Variants in PTPN11 observed in about 807,000 individuals in gnomAD.
PTPN11 encodes tyrosine-protein phosphatase non-receptor type 11.
In PTPN11, 6 loss-of-function variants were observed where a neutral mutation model predicts 78.8. That is an observed-to-expected ratio of 0.08 (90% CI 0.04 to 0.15). The LOEUF is 0.15. PTPN11 is among the 10% of genes least tolerant of loss of function. The pLI, the probability that PTPN11 is intolerant of heterozygous loss-of-function variation, is 1.00. For missense variants in PTPN11, 386 were observed against 744.8 expected, an observed-to-expected ratio of 0.52 and a Z score of 5.61; for synonymous variants, 221 against 263.5, an observed-to-expected ratio of 0.84 and a Z score of 1.56.
At chr12:112,453,684 A>G (rs1012621127) in intron 4 of PTPN11, among the ~76,000 whole-genome samples, 2 of 127,488 alleles carry the variant, frequency 1.6e-5, no homozygotes, top group African/African-American at 5.9e-5. Flanking sequence ...TTTAATATTC[A>G]TTTGTTTATT....
At chr12:112,424,720 C>CT (rs35322236) in intron 1 of PTPN11, among the ~76,000 whole-genome samples, 17 of 149,602 alleles carry the variant, frequency 1.1e-4, no homozygotes, top group East Asian at 5.9e-4. Context: ...GCTTTAACAA[C>CT]TTTTTTTTTT....
intron 1 of PTPN11, among the ~76,000 whole-genome samples, chr12:112,422,871 A>G (rs932680279): frequency 2.0e-5 from 3 of 152,184 alleles, no homozygotes; most frequent in Admixed American, 1.3e-4. Context: ...TCATGTTTGT[A>G]ATTGTCCTAG....
chr12:112,498,384 G>A (rs1261710972), intron 13 of PTPN11, among the ~76,000 whole-genome samples: 2 of 152,184 alleles, frequency 1.3e-5, no homozygotes, highest in Admixed American at 6.5e-5. Flanking sequence ...GGTGTTTGTA[G>A]TCTTCAAATG....
In PTPN11 at chr12:112,504,562, C is replaced by T. The variant is rs2038912508; in HGVS notation, c.1713-133C>T. 1 of 704,206 alleles carries T rather than the reference C, an allele frequency of 1.4e-6. No homozygotes were observed. The allele number at this position is 704,206 out of a possible 1,614,324, so 43.6% of individuals were successfully genotyped here. A position where few individuals can be genotyped will look rare whatever the true frequency, so the allele number is the denominator to read the frequency against. On this transcript the variant is annotated intron_variant, in intron 14 of 15. Transcript: ENST00000351677. This position sits in a 1 kb window ranked among gnomAD's most constrained non-coding sequence, Gnocchi z 4.7. ...TCTTCTCTCCCTGGGAATGTCAGGT[C>T]CTAGGCACAGGAACTGTGTCTGTAC...
At chr12:112,450,754 C>T (rs1179729797) in intron 3 of PTPN11, among the ~76,000 whole-genome samples, 1 of 152,182 alleles carries the variant, frequency 6.6e-6, no homozygotes, top group Non-Finnish European at 1.5e-5. Context: ...GCATACCATT[C>T]CTGCATATAC....
At chr12:112,475,430 G>T (rs1246533998) in intron 7 of PTPN11, among the ~76,000 whole-genome samples, 2 of 151,416 alleles carry the variant, frequency 1.3e-5, no homozygotes, top group African/African-American at 4.9e-5. Context: ...TTGATTGATT[G>T]TATATAGAGA....
At chr12:112,446,510 G>A in intron 2 of PTPN11, 112 bp downstream of exon 2, 1 of 1,473,782 alleles carries the variant, frequency 6.8e-7, no homozygotes, top group Non-Finnish European at 9.4e-7. Flanking sequence ...CCTTATCTGA[G>A]CCCTGGGCTG....
At chr12:112,444,996 C>T (rs2037967690) in intron 1 of PTPN11, among the ~76,000 whole-genome samples, 1 of 152,054 alleles carries the variant, frequency 6.6e-6, no homozygotes, top group African/African-American at 2.4e-5. Flanking sequence ...GTGATTGCTA[C>T]TGGAGTGTCA....
In PTPN11 at chr12:112,450,241, G is replaced by A. The variant is rs182335523; in HGVS notation, c.138-77G>A. On this transcript the variant is annotated intron_variant, in intron 2 of 15. Transcript: ENST00000351677. ...TTTCAACACTTAGGTAAAATCCGAC[G>A]TGGAAGATGAGATCTGATTTTACTG... 2.1e-4 allele frequency: 288 copies of A among 1,350,848 alleles called. 3 individuals are homozygous for A. The African/African-American group carries it at 3.0e-3, about 14-fold the overall frequency. The allele number at this position is 1,350,848 out of a possible 1,614,324, so 83.7% of individuals were successfully genotyped here. A position where few individuals can be genotyped will look rare whatever the true frequency, so the allele number is the denominator to read the frequency against.
chr12:112,454,740 G>A (rs2038128594), intron 5 of PTPN11, 60 bp downstream of exon 5: 10 of 1,279,374 alleles, frequency 7.8e-6, no homozygotes, highest in African/African-American at 1.5e-5. Flanking sequence ...TCCTAATAGA[G>A]AATTTTGCAA....
intron 13 of PTPN11, among the ~76,000 whole-genome samples, chr12:112,497,783 A>G (rs1192726360): frequency 2.0e-5 from 3 of 152,212 alleles, no homozygotes; most frequent in Non-Finnish European, 2.9e-5. Flanking sequence ...TGTAGGCCAT[A>G]TTACAGATTG....
intron 13 of PTPN11, among the ~76,000 whole-genome samples, chr12:112,501,547 C>T (rs1328311181): frequency 6.6e-6 from 1 of 152,176 alleles, no homozygotes; most frequent in Admixed American, 6.5e-5. Context: ...ATCGCTTGAA[C>T]CCCAGAGGCG....
At chr12:112,492,808 C>G (rs573119426) in intron 13 of PTPN11, among the ~76,000 whole-genome samples, 2 of 152,106 alleles carry the variant, frequency 1.3e-5, no homozygotes, top group African/African-American at 2.4e-5. Context: ...TGAGTCACTG[C>G]GCCCGGCTCT....
At chr12:112,439,336 G>A (rs977626084) in intron 1 of PTPN11, among the ~76,000 whole-genome samples, 2 of 151,792 alleles carry the variant, frequency 1.3e-5, no homozygotes, top group African/African-American at 2.4e-5. Context: ...CTCTTTTGCC[G>A]AGGCTGGAGT....
At position 112,504,809 on chromosome 12, in the gene PTPN11, A is replaced by G; in HGVS notation, c.*32+13A>G. On this transcript the variant is annotated intron_variant, in intron 15 of 15. Coordinates refer to ENST00000351677, the MANE Select transcript of PTPN11 (RefSeq NM_002834.5). The surrounding 1 kb of genome is among the most constrained non-coding windows in gnomAD (Gnocchi z 4.7). ...AGCACAGAAATAGGTATTTAAATGC[A>G]AGTGCTCTATTGGTTAATTGTTTAT... The G allele has an allele frequency of 7.0e-7, 1 of 1,431,538 alleles. No individual in the cohort carries two copies. The highest frequency in any genetic ancestry group is 9.8e-7 in the Non-Finnish European group (1 of 1,015,978). 88.7% of individuals were successfully genotyped at this position (1,431,538 alleles called of 1,614,324 possible).
intron 3 of PTPN11, among the ~76,000 whole-genome samples, chr12:112,452,950 A>G (rs1464582904): frequency 6.6e-6 from 1 of 152,126 alleles, no homozygotes; most frequent in South Asian, 2.1e-4. Context: ...AGATTGGGGC[A>G]TTTGTCTCTA....
At chr12:112,433,787 C>T (rs1391865703) in intron 1 of PTPN11, among the ~76,000 whole-genome samples, 1 of 152,084 alleles carries the variant, frequency 6.6e-6, no homozygotes, top group Non-Finnish European at 1.5e-5. Context: ...CCTATCTCTA[C>T]AAAGGAAAAA....
intron 6 of PTPN11, among the ~76,000 whole-genome samples, chr12:112,457,122 T>A (rs1015669485): frequency 6.6e-6 from 1 of 152,070 alleles, no homozygotes; most frequent in Non-Finnish European, 1.5e-5. Flanking sequence ...GAAAAAGTGA[T>A]GATAGGCTGG....
chr12:112,471,454 AAGAGAG>A lies in PTPN11; in HGVS notation c.757-1458_757-1453del, dbSNP rs56070053. On this transcript the variant is annotated intron_variant, in intron 6 of 15. Transcript: ENST00000351677. ...GTGGCTCCATCATATGATAAACAGA[AAGAGAG>A]AGAGAGAGAGAGAGAGAGAGAGAGA... is the stretch of plus-strand genomic sequence containing the variant. Among the ~76,000 whole-genome samples the A allele has an allele frequency of 3.4e-3, 427 of 126,350 alleles. 3 individuals are homozygous for A. The highest frequency in any genetic ancestry group is 0.01 in the African/African-American group (350 of 33,592). The allele number at this position is 126,350 out of a possible 152,430, so 82.9% of individuals were successfully genotyped here. A position where few individuals can be genotyped will look rare whatever the true frequency, so the allele number is the denominator to read the frequency against.
Sources: allele counts gnomAD v4.1 joint callset (sites outside exome capture counted in the v4.1 genomes callset), GRCh38; gene constraint gnomAD v4.1.1; non-coding constraint Gnocchi (gnomAD v3.1); transcripts MANE v1.5; gene names NCBI Gene and HGNC (gene_info 2026-07-23, HGNC 2026-07-21).